CASR: variants seen among roughly 807,000 people sequenced by gnomAD.
CASR encodes the protein extracellular calcium-sensing receptor.
In CASR, 23 loss-of-function variants were observed where a neutral mutation model predicts 69.1. The observed-to-expected ratio is 0.33, with a 90% CI of 0.24 to 0.47. The LOEUF (loss-of-function observed/expected upper bound fraction) is 0.47, where lower values mean the gene tolerates loss of function less well. CASR is among the 20% of genes least tolerant of loss of function. CASR has a pLI of 1.00. For synonymous variants in CASR, 541 were observed against 544.7 expected (o/e 0.99, Z 0.10); for missense variants, 924 against 1,356.1 (o/e 0.68, Z 5.00).
rs2074958996 is a variant in CASR at position 122,285,451 on chromosome 3, C to T, written c.*260C>T. 1.1e-5 allele frequency: 5 copies of T among 466,014 alleles called. No homozygotes were observed. Among genetic ancestry groups the T allele is most frequent in the South Asian group, 2.1e-5 (1 of 47,030 alleles). 28.9% of individuals were successfully genotyped at this position (466,014 alleles called of 1,614,324 possible). Reference sequence around the variant, plus strand: ...CTCCACGGTCAGATTTGCTGTTCACCCACATCTAATGTCTCTTCCTCTGTT... The same window carrying T: ...CTCCACGGTCAGATTTGCTGTTCACTCACATCTAATGTCTCTTCCTCTGTT... On this transcript the variant is annotated 3_prime_UTR_variant, in exon 7 of 7. Transcript: ENST00000639785.
chr3:122,255,091 T>C (rs557586020), intron 2 of CASR, among the ~76,000 whole-genome samples: 20 of 152,294 alleles, frequency 1.3e-4, no homozygotes, highest in East Asian at 7.7e-4. Flanking sequence ...TTTATCATCA[T>C]TTTCTCCATG....
At chr3:122,265,399 T>C (rs2074681120) in intron 4 of CASR, among the ~76,000 whole-genome samples, 1 of 152,158 alleles carries the variant, frequency 6.6e-6, no homozygotes, top group African/African-American at 2.4e-5. Flanking sequence ...TGACCTCTTC[T>C]TGGAGACCCC....
intron 1 of CASR, among the ~76,000 whole-genome samples, chr3:122,205,310 C>G (rs1269609005): frequency 6.6e-6 from 1 of 152,020 alleles, no homozygotes; most frequent in Non-Finnish European, 1.5e-5. Context: ...ACCAGTTTTC[C>G]CAGCACCACT....
At chr3:122,185,084 GAA>G (rs374409513) in intron 1 of CASR, among the ~76,000 whole-genome samples, 1 of 147,038 alleles carries the variant, frequency 6.8e-6, no homozygotes, top group Admixed American at 6.8e-5. Context: ...TTCCTGGGGA[GAA>G]AAAAAAAAGG....
chr3:122,202,383 G>A (rs144609597), intron 1 of CASR, among the ~76,000 whole-genome samples: 12,380 of 151,888 alleles, frequency 0.082, 706 homozygotes, highest in Non-Finnish European at 0.11. Context: ...GTCCAGCTTC[G>A]GCTCAGCATC....
intron 1 of CASR, among the ~76,000 whole-genome samples, chr3:122,203,705 T>C (rs1576820210): frequency 6.6e-6 from 1 of 152,344 alleles, no homozygotes; most frequent in East Asian, 1.9e-4. Flanking sequence ...TACTGTAGAC[T>C]TTATAAACAC....
At chr3:122,233,595 A>G (rs1474607198) in intron 1 of CASR, among the ~76,000 whole-genome samples, 1 of 152,150 alleles carries the variant, frequency 6.6e-6, no homozygotes, top group African/African-American at 2.4e-5. Context: ...CGGAATTAAA[A>G]CTGTCTCCAG....
At chr3:122,231,706 G>A (rs900492376) in intron 1 of CASR, among the ~76,000 whole-genome samples, 1 of 150,660 alleles carries the variant, frequency 6.6e-6, no homozygotes, top group Non-Finnish European at 1.5e-5. Flanking sequence ...GGAAAGAGCA[G>A]CCACAATTTT....
intron 2 of CASR, among the ~76,000 whole-genome samples, chr3:122,256,732 C>T (rs897508528): frequency 1.3e-5 from 2 of 152,170 alleles, no homozygotes; most frequent in African/African-American, 4.8e-5. Flanking sequence ...ATTCTCCTGC[C>T]TCAGCCTCCC....
At chr3:122,265,066 T>C (rs1016382964) in intron 4 of CASR, among the ~76,000 whole-genome samples, 3 of 152,202 alleles carry the variant, frequency 2.0e-5, no homozygotes, top group Admixed American at 6.5e-5. Flanking sequence ...TCAATTTTTA[T>C]CTCTGCTGTC....
chr3:122,255,169 C>CT (rs1404339642), intron 2 of CASR, among the ~76,000 whole-genome samples: 3 of 152,172 alleles, frequency 2.0e-5, no homozygotes, highest in Admixed American at 2.0e-4. Flanking sequence ...TACTGCGACC[C>CT]TTTTAGAATA....
At chr3:122,187,512 G>A (rs2073797551) in intron 1 of CASR, among the ~76,000 whole-genome samples, 1 of 152,182 alleles carries the variant, frequency 6.6e-6, no homozygotes. Flanking sequence ...AGTCTGAGAG[G>A]GAGTCATGCT....
chr3:122,202,014 G>A (rs1464649566), intron 1 of CASR, among the ~76,000 whole-genome samples: 3 of 152,164 alleles, frequency 2.0e-5, no homozygotes, highest in Middle Eastern at 3.2e-3. Flanking sequence ...TCCCAGATGG[G>A]GTGGCAGCCG....
chr3:122,194,394 G>T (rs1386536458), intron 1 of CASR, among the ~76,000 whole-genome samples: 1 of 151,988 alleles, frequency 6.6e-6, no homozygotes, highest in Non-Finnish European at 1.5e-5. Context: ...GAACAGCCAT[G>T]GTGAGGACTG....
chr3:122,219,644 G>C (rs2074151577), intron 1 of CASR, among the ~76,000 whole-genome samples: 1 of 152,268 alleles, frequency 6.6e-6, no homozygotes, highest in South Asian at 2.1e-4. Context: ...GGTGAGGGTA[G>C]AGCTGGGTCA....
intron 1 of CASR, among the ~76,000 whole-genome samples, chr3:122,210,508 A>G (rs1576824479): frequency 6.6e-6 from 1 of 152,352 alleles, no homozygotes; most frequent in East Asian, 1.9e-4. Flanking sequence ...GCAGAATAAA[A>G]TACCTAGGAA....
intron 4 of CASR, among the ~76,000 whole-genome samples, chr3:122,272,096 C>T (rs767033253): frequency 0.19 from 23,646 of 126,886 alleles, 2,036 homozygotes; most frequent in Admixed American, 0.3. Context: ...GGAATGCACA[C>T]ACACACACAC....
intron 4 of CASR, among the ~76,000 whole-genome samples, chr3:122,273,257 ATGT>A (rs1310109647): frequency 6.6e-6 from 1 of 152,220 alleles, no homozygotes; most frequent in Admixed American, 6.5e-5. Context: ...GTGTAGGATG[ATGT>A]TGTAGAAAAG....
chr3:122,207,128 A>G (rs2074014934), intron 1 of CASR, among the ~76,000 whole-genome samples: 1 of 151,760 alleles, frequency 6.6e-6, no homozygotes, highest in East Asian at 1.9e-4. Flanking sequence ...TTGCTTTTGT[A>G]GTTCCGTGAG....
Sources: gnomAD v4.1 joint callset for allele counts (sites outside exome capture counted in the v4.1 genomes callset) on GRCh38, gnomAD v4.1.1 for gene constraint, MANE v1.5 for transcripts, NCBI Gene and HGNC (gene_info 2026-07-23, HGNC 2026-07-21) for gene names.